The following PDE3A variants were observed in gnomAD, a reference collection of about 807,000 sequenced individuals.
PDE3A encodes the protein phosphodiesterase 3A.
A neutral mutation model predicts 98.3 loss-of-function variants in PDE3A; 43 were observed. That is an observed-to-expected ratio of 0.44 (90% CI 0.34 to 0.56). The LOEUF (loss-of-function observed/expected upper bound fraction) is 0.56, where lower values mean the gene tolerates loss of function less well. Among genes scored for constraint, PDE3A ranks in the 20% least tolerant of loss-of-function variants. The pLI, the probability that PDE3A is intolerant of heterozygous loss-of-function variation, is 0.01. For synonymous variants in PDE3A, 663 were observed against 567.9 expected (o/e 1.17, Z -2.38); for missense variants, 1,427 against 1,440.7 (o/e 0.99, Z 0.15).
intron 1 of PDE3A, among the ~76,000 whole-genome samples, chr12:20,395,561 T>C (rs1440985065): frequency 6.8e-6 from 1 of 146,678 alleles, no homozygotes; most frequent in African/African-American, 2.5e-5. Context: ...GTACACATAG[T>C]ATATATATAC....
chr12:20,541,554 C>G (rs1226863302), intron 1 of PDE3A, among the ~76,000 whole-genome samples: 1 of 152,074 alleles, frequency 6.6e-6, no homozygotes. Context: ...TCTGCACCTG[C>G]AATTCTAACG....
In PDE3A at chr12:20,370,020, G is replaced by T; in HGVS notation, c.736G>T (p.Val246Leu). Residue 246 changes from valine to leucine, a missense_variant, in exon 1 of 16, where the codon GTG (valine) becomes TTG (leucine). Transcript: ENST00000359062. ...ACCTTACCTGGCGTACCTGGCCGGC[G>T]TGCTGGGGATCCTCTTGGCCAGGTA... ...WRPYLAYLAG[V>L]LGILLARYVE... The T allele has an allele frequency of 1.2e-6, 2 of 1,612,998 alleles. No individual in the cohort carries two copies. Among genetic ancestry groups the T allele is most frequent in the African/African-American group, 1.3e-5 (1 of 75,052 alleles).
At chr12:20,623,173 C>G (rs970806214) in intron 5 of PDE3A, among the ~76,000 whole-genome samples, 6 of 151,692 alleles carry the variant, frequency 4.0e-5, no homozygotes, top group African/African-American at 1.5e-4. Context: ...AAGAAATTAT[C>G]CAGAAAGCAA....
At position 20,387,536 on chromosome 12, in the gene PDE3A, T is replaced by A. The variant is rs189758625; in HGVS notation, c.960+17292T>A. Among the ~76,000 whole-genome samples, 565 of 152,166 alleles carry A rather than the reference T, an allele frequency of 3.7e-3. 3 individuals carry two copies. Among genetic ancestry groups the A allele is most frequent in the Non-Finnish European group, 4.9e-3 (336 of 67,988 alleles). The stretch of plus-strand genomic sequence containing the variant: ...AAGGCTTTCTCTATTAGTCTTTGAA[T>A]AGTCTGACAAATCCCAATTCCATCA... On this transcript the variant is annotated intron_variant, in intron 1 of 15. Transcript: ENST00000359062.
chr12:20,628,995 C>T (rs1401321924), intron 5 of PDE3A, among the ~76,000 whole-genome samples: 1 of 152,168 alleles, frequency 6.6e-6, no homozygotes, highest in African/African-American at 2.4e-5. Context: ...TAGACAACGA[C>T]TTTTAATAAT....
rs117826403 is a variant in PDE3A, at chr12:20,437,785, C to A, written c.960+67541C>A. 8.2e-3 allele frequency among the ~76,000 whole-genome samples: 1,241 copies of A among 152,200 alleles called. 10 individuals carry two copies. Among genetic ancestry groups the A allele is most frequent in the Middle Eastern group, 0.014 (4 of 294 alleles). On this transcript the variant is annotated intron_variant, in intron 1 of 15. Transcript: ENST00000359062. ...CGTGAGATTTAGAGGGGTAAGATAT[C>A]CAAACTTTATCAAGGACCGTAATGG...
In PDE3A at chr12:20,637,131, T is replaced by C. The variant is rs2121513237; in HGVS notation, c.2033T>C (p.Val678Ala). The C allele has an allele frequency of 6.2e-7, 1 of 1,610,016 alleles. No individual in the cohort carries two copies. The highest frequency in any genetic ancestry group is 2.2e-5 in the East Asian group (1 of 44,654). The part of the protein sequence containing the change: ...DKPILAPEPL[V>A]MDNLDSIMEQ... ...CCAATTCTTGCTCCCGAACCTCTTGTCATGGATAACCTGGACTCAATTATG... is the reference window on the plus strand; with the variant it reads ...CCAATTCTTGCTCCCGAACCTCTTGCCATGGATAACCTGGACTCAATTATG... The change falls in exon 9 of 16, where the codon GTC (valine) becomes GCC (alanine). Residue 678 changes from valine (V) to alanine (A), a missense_variant. Val to Ala is a moderately conservative substitution (Grantham distance 64, BLOSUM62 0). Around this residue, in one of 3 missense-constraint regions of PDE3A, gnomAD observed 1,012 missense variants for 886.5 expected, o/e 1.14. Transcript: ENST00000359062.
At chr12:20,551,870 C>G in intron 1 of PDE3A, 2 of 1,613,726 alleles carry the variant, frequency 1.2e-6, no homozygotes, top group Non-Finnish European at 8.5e-7. Context: ...ACCATCATCC[C>G]GTCCAACCAC....
intron 1 of PDE3A, among the ~76,000 whole-genome samples, chr12:20,454,501 G>T (rs1203094612): frequency 1.3e-5 from 2 of 152,146 alleles, no homozygotes; most frequent in Non-Finnish European, 2.9e-5. Flanking sequence ...AAGTTCAGGG[G>T]TACATGTGCA....
rs537656515 is a variant in PDE3A, at chr12:20,686,132, G to T, written c.*5861G>T. ...GTATCATATAACAGAAAACTAGAAAGAAGGTTTAATTCTTTTTCTAATATT... is the reference window on the plus strand; with the variant it reads ...GTATCATATAACAGAAAACTAGAAATAAGGTTTAATTCTTTTTCTAATATT... On this transcript the variant is annotated 3_prime_UTR_variant, in exon 16 of 16. Coordinates refer to ENST00000359062, the MANE Select transcript of PDE3A (RefSeq NM_000921.5). 6.6e-6 allele frequency among the ~76,000 whole-genome samples: 1 copy of T among 152,142 alleles called. No homozygotes were observed. The highest frequency in any genetic ancestry group is 1.9e-4 in the East Asian group (1 of 5,164).
intron 1 of PDE3A, among the ~76,000 whole-genome samples, chr12:20,435,512 A>G (rs1309537565): frequency 6.6e-6 from 1 of 152,100 alleles, no homozygotes; most frequent in Non-Finnish European, 1.5e-5. Flanking sequence ...TGTCAAAGAA[A>G]ATTTGTCTGG....
At chr12:20,538,924 G>C (rs1283274934) in intron 1 of PDE3A, among the ~76,000 whole-genome samples, 1 of 151,332 alleles carries the variant, frequency 6.6e-6, no homozygotes, top group Non-Finnish European at 1.5e-5. Flanking sequence ...GAGATTACAA[G>C]TGTGAACCAC....
rs567843370 is a variant in PDE3A, at chr12:20,650,507, G to C, written c.2832G>C (p.Met944Ile). 6.2e-7 allele frequency: 1 copy of C among 1,610,494 alleles called. No individual in the cohort carries two copies. Among genetic ancestry groups the C allele is most frequent in the Non-Finnish European group, 8.5e-7 (1 of 1,177,068 alleles). The change falls in exon 14 of 16, where the codon ATG (methionine) becomes ATC (isoleucine). Residue 944 changes from methionine to isoleucine, a missense_variant. Transcript: ENST00000359062. ...NENDRLLVCQ[M>I]CIKLADINGP... is the part of the protein sequence containing the mutation. ...ATGATCGTCTACTGGTTTGTCAAAT[G>C]TGTATAAAGTTGGCTGATATCAATG... is the stretch of plus-strand genomic sequence containing the variant.
chr12:20,663,986 T>A (rs546788898), intron 15 of PDE3A, among the ~76,000 whole-genome samples: 1 of 152,188 alleles, frequency 6.6e-6, no homozygotes, highest in South Asian at 2.1e-4. Context: ...GGTAATTGAA[T>A]CATGGGGGTG....
intron 1 of PDE3A, among the ~76,000 whole-genome samples, chr12:20,476,655 T>C (rs1310770296): frequency 6.6e-6 from 1 of 152,162 alleles, no homozygotes; most frequent in Non-Finnish European, 1.5e-5. Flanking sequence ...TGGTTTCATA[T>C]GATTATCTAA....
intron 1 of PDE3A, among the ~76,000 whole-genome samples, chr12:20,400,415 T>TGAGATGGAG: frequency 2.0e-5 from 1 of 51,264 alleles, no homozygotes; most frequent in Non-Finnish European, 4.2e-5. Context: ...TTTTTTTTTT[T>TGAGATGGAG]TTTTTTTTTG....
At chr12:20,553,086 T>C in intron 1 of PDE3A, 1 of 854,556 alleles carries the variant, frequency 1.2e-6, no homozygotes, top group Non-Finnish European at 1.9e-6. Flanking sequence ...GATTTTGTTC[T>C]TAGTGGGCTT....
chr12:20,620,172 T>C (rs1287216028), intron 4 of PDE3A, among the ~76,000 whole-genome samples: 1 of 152,084 alleles, frequency 6.6e-6, no homozygotes, highest in Non-Finnish European at 1.5e-5. Context: ...TATAAGCTTA[T>C]ATGGCAATCT....
At chr12:20,412,736 T>A (rs1297310297) in intron 1 of PDE3A, among the ~76,000 whole-genome samples, 1 of 152,200 alleles carries the variant, frequency 6.6e-6, no homozygotes. Context: ...TCCTTATCTT[T>A]TTCTGAATGA....
Sources: gnomAD v4.1 joint callset for allele counts (sites outside exome capture counted in the v4.1 genomes callset) on GRCh38, gnomAD v4.1.1 for gene constraint, gnomAD v4.1.1 regional missense constraint, MANE v1.5 for transcripts, NCBI Gene and HGNC (gene_info 2026-07-23, HGNC 2026-07-21) for gene names.